The following EPAS1 variants were observed in gnomAD, a reference collection of about 807,000 sequenced individuals.
The protein encoded by EPAS1 is endothelial PAS domain-containing protein 1.
A neutral mutation model predicts 87.9 loss-of-function variants in EPAS1; 23 were observed. That is an observed-to-expected ratio of 0.26 (90% CI 0.19 to 0.37). EPAS1 has a LOEUF of 0.37. Among genes scored for constraint, EPAS1 ranks in the 10% least tolerant of loss-of-function variants. The pLI, the probability that EPAS1 is intolerant of heterozygous loss-of-function variation, is 1.00. For synonymous variants in EPAS1, 508 were observed against 444.3 expected, an observed-to-expected ratio of 1.14 and a Z score of -1.80; for missense variants, 1,138 against 1,120.7, an observed-to-expected ratio of 1.02 and a Z score of -0.22.
At chr2:46,359,418 A>G (rs1199370552) in intron 4 of EPAS1, among the ~76,000 whole-genome samples, 1 of 152,068 alleles carries the variant, frequency 6.6e-6, no homozygotes, top group Non-Finnish European at 1.5e-5. Context: ...GTGGGGCCAG[A>G]TCCCAAGATA....
Position 46,371,567 on chromosome 2 carries a change from G to C in EPAS1, c.886+1634G>C, listed in dbSNP as rs774567685. ...GGAGTGGAGGTACTCTTTTATGCCT[G>C]TGAATGTGACCCCACCTTAGCCTGC... On this transcript the variant is annotated intron_variant, in intron 7 of 15. Coordinates refer to ENST00000263734, the MANE Select transcript of EPAS1 (RefSeq NM_001430.5). The surrounding 1 kb of genome is among the most constrained non-coding windows in gnomAD (Gnocchi z 4.3). 6.6e-6 allele frequency among the ~76,000 whole-genome samples: 1 copy of C among 152,164 alleles called. No individual in the cohort carries two copies. Among genetic ancestry groups the C allele is most frequent in the Non-Finnish European group, 1.5e-5 (1 of 68,040 alleles).
intron 1 of EPAS1, among the ~76,000 whole-genome samples, chr2:46,336,814 A>C (rs1683801904): frequency 6.6e-6 from 1 of 152,194 alleles, no homozygotes; most frequent in African/African-American, 2.4e-5. Context: ...CCCAGATCCT[A>C]CTGAGCCTGC....
At position 46,375,523 on chromosome 2, in the gene EPAS1, G is replaced by A; in HGVS notation, c.887-167G>A. ...TTTAAAATGAAGAGTTGGCTGAGGT[G>A]ATCCCTAAGCTCCCTCCCAGGTCAC... On this transcript the variant is annotated intron_variant, in intron 7 of 15. Coordinates refer to ENST00000263734, the MANE Select transcript of EPAS1 (RefSeq NM_001430.5). This position sits in a 1 kb window ranked among gnomAD's most constrained non-coding sequence, Gnocchi z 4.1. The A allele has an allele frequency of 2.6e-6, 2 of 757,520 alleles. No homozygotes were observed. The highest frequency in any genetic ancestry group is 2.2e-6 in the Non-Finnish European group (1 of 450,716). 46.9% of individuals were successfully genotyped at this position (757,520 alleles called of 1,614,324 possible).
At position 46,382,524 on chromosome 2, in the gene EPAS1, A is replaced by T; in HGVS notation, c.2387A>T (p.Lys796Met). ...GCCATCAGTCCCGGGGAGAACAGCA[A>T]GAGCAGGTTCCCCCCACAGTGCTAC... ...PSAISPGENS[K>M]SRFPPQCYAT... The change falls in exon 15 of 16, where the codon AAG (lysine) becomes ATG (methionine). Residue 796 changes from lysine (K) to methionine (M), a missense_variant. Lys to Met is a moderately conservative substitution (Grantham distance 95). This residue lies in a region of EPAS1 where 502 missense variants were observed against 427.1 expected (regional missense o/e 1.18). Transcript: ENST00000263734. 6.2e-7 allele frequency: 1 copy of T among 1,614,166 alleles called. No individual in the cohort carries two copies. Among genetic ancestry groups the T allele is most frequent in the Non-Finnish European group, 8.5e-7 (1 of 1,180,040 alleles).
At chr2:46,370,587 G>A (rs1684608268) in intron 7 of EPAS1, among the ~76,000 whole-genome samples, 1 of 152,216 alleles carries the variant, frequency 6.6e-6, no homozygotes. Flanking sequence ...AGAAGCCTGA[G>A]TTATGTAAGG....
chr2:46,377,983 A>G lies in EPAS1; in HGVS notation c.1339A>G (p.Thr447Ala). The G allele has an allele frequency of 6.3e-7, 1 of 1,576,708 alleles. No homozygotes were observed. The highest frequency in any genetic ancestry group is 8.6e-7 in the Non-Finnish European group (1 of 1,160,722). ...GGCCACGGAGTTGAGGAGCCACAGC[A>G]CCCAGAGCGAGGCTGGGAGCCTGCC... ...PWATELRSHS[T>A]QSEAGSLPAF... The change falls in exon 10 of 16, where the codon ACC becomes GCC. Residue 447 changes from threonine to alanine, a missense_variant. Thr to Ala is a moderately conservative substitution (Grantham distance 58). Coordinates refer to ENST00000263734, the MANE Select transcript of EPAS1 (RefSeq NM_001430.5).
chr2:46,355,883 C>A (rs1188980954), intron 2 of EPAS1, among the ~76,000 whole-genome samples: 1 of 152,216 alleles, frequency 6.6e-6, no homozygotes, highest in African/African-American at 2.4e-5. Flanking sequence ...GAACCACTCA[C>A]ACAGCAGCTC....
chr2:46,344,099 CTAAACTGTG>C (rs1683967901), intron 1 of EPAS1, among the ~76,000 whole-genome samples: 1 of 152,190 alleles, frequency 6.6e-6, no homozygotes, highest in Non-Finnish European at 1.5e-5. Context: ...TTCCACATCT[CTAAACTGTG>C]TAAACAATAC....
At chr2:46,341,187 G>A (rs1445599153) in intron 1 of EPAS1, among the ~76,000 whole-genome samples, 2 of 152,150 alleles carry the variant, frequency 1.3e-5, no homozygotes, top group Admixed American at 6.5e-5. Context: ...GGCCCTCACA[G>A]CCAAGACCAT....
intron 1 of EPAS1, among the ~76,000 whole-genome samples, chr2:46,341,000 A>G (rs980504311): frequency 1.3e-5 from 2 of 152,202 alleles, no homozygotes; most frequent in African/African-American, 2.4e-5. Flanking sequence ...GATTATAGGC[A>G]TGAGTCACTG....
chr2:46,312,937 C>A (rs1683243490), intron 1 of EPAS1, among the ~76,000 whole-genome samples: 1 of 152,148 alleles, frequency 6.6e-6, no homozygotes, highest in Non-Finnish European at 1.5e-5. Context: ...CAACTCAGCA[C>A]ACCCAAATCT....
In EPAS1 at chr2:46,380,566, G is replaced by C. The variant is rs2103673355; in HGVS notation, c.1894G>C (p.Gly632Arg). The part of the protein sequence containing the change: ...GQASTPLSSM[G>R]GRSNTQWPPD... ...GGCCAGCACCCCTCTCTCTTCCATG[G>C]GGGGCAGATCCAATACCCAGTGGCC... Residue 632 changes from glycine to arginine, a missense_variant, in exon 12 of 16, where the codon GGG (glycine) becomes CGG (arginine). Physicochemically the swap from Gly to Arg is moderately radical, Grantham distance 125. Transcript: ENST00000263734. This position sits in a 1 kb window ranked among gnomAD's most constrained non-coding sequence, Gnocchi z 4.4. 2 of 1,614,066 alleles carry C rather than the reference G, an allele frequency of 1.2e-6. No homozygotes were observed. Among genetic ancestry groups the C allele is most frequent in the East Asian group, 2.2e-5 (1 of 44,876 alleles).
intron 2 of EPAS1, among the ~76,000 whole-genome samples, chr2:46,350,426 G>A (rs1044702080): frequency 4.6e-5 from 7 of 152,320 alleles, no homozygotes; most frequent in Non-Finnish European, 8.8e-5. Context: ...ACAGTAGGCT[G>A]TTCTGTGTGG....
chr2:46,384,913 C>T lies in EPAS1; in HGVS notation c.*253C>T. Reference sequence around the variant, plus strand: ...TAAATTTTGTAGGATTTTTTTCCTCCCCACCTTCAATGACTTCTAATTTAT... The same window carrying T: ...TAAATTTTGTAGGATTTTTTTCCTCTCCACCTTCAATGACTTCTAATTTAT... On this transcript the variant is annotated 3_prime_UTR_variant, in exon 16 of 16. Transcript: ENST00000263734. 1 of 532,406 alleles carries T rather than the reference C, an allele frequency of 1.9e-6. No individual in the cohort carries two copies. Among genetic ancestry groups the T allele is most frequent in the South Asian group, 2.1e-5 (1 of 48,368 alleles). 33.0% of individuals were successfully genotyped at this position (532,406 alleles called of 1,614,324 possible). A position where few individuals can be genotyped will look rare whatever the true frequency, so the allele number is the denominator to read the frequency against.
chr2:46,382,598 G>C lies in EPAS1; in HGVS notation c.2461G>C (p.Gly821Arg). The C allele has an allele frequency of 1.2e-6, 2 of 1,614,072 alleles. No homozygotes were observed. Among genetic ancestry groups the C allele is most frequent in the Non-Finnish European group, 8.5e-7 (1 of 1,180,044 alleles). ...YSLSSAHKVS[G>R]MASRLLGPSF... ...CCTGTCGTCAGCCCACAAGGTGTCA[G>C]GTGGGTGTGCCCAGGATCTGTCACC... Residue 821 changes from glycine to arginine, a missense_variant and splice_region_variant, in exon 15 of 16, where the codon GGC (glycine) becomes CGC (arginine). Physicochemically the swap from Gly to Arg is moderately radical, Grantham distance 125 (BLOSUM62 -2). Transcript: ENST00000263734.
In EPAS1 at chr2:46,378,062, C is replaced by CCAGCAG. The variant is rs747939755; in HGVS notation, c.1429_1434dup (p.Ser477_Ser478dup). On this transcript the variant is annotated inframe_insertion, in exon 10 of 16. Coordinates refer to ENST00000263734, the MANE Select transcript of EPAS1 (RefSeq NM_001430.5). ...CCGGGCAGCACCACCCCCAGTGCCA[C>CCAGCAG]CAGCAGCAGCAGCAGCTGCTCCACG... The CCAGCAG allele has an allele frequency of 6.2e-7, 1 of 1,606,050 alleles. No homozygotes were observed. Among genetic ancestry groups the CCAGCAG allele is most frequent in the South Asian group, 1.1e-5 (1 of 89,712 alleles).
intron 1 of EPAS1, among the ~76,000 whole-genome samples, chr2:46,331,622 C>T (rs555468912): frequency 3.9e-5 from 6 of 152,150 alleles, no homozygotes; most frequent in South Asian, 4.1e-4. Context: ...GCCAAAGCTC[C>T]GAGGTTTAAA....
chr2:46,374,591 G>C (rs1038593791), intron 7 of EPAS1, among the ~76,000 whole-genome samples: 3 of 152,100 alleles, frequency 2.0e-5, no homozygotes, highest in South Asian at 4.1e-4. Flanking sequence ...AAGAAGGATT[G>C]TTCCTTTCCC....
At chr2:46,352,861 A>C (rs1015909384) in intron 2 of EPAS1, among the ~76,000 whole-genome samples, 1 of 152,158 alleles carries the variant, frequency 6.6e-6, no homozygotes, top group Non-Finnish European at 1.5e-5. Flanking sequence ...TCCCTCCCGG[A>C]GGCCAGCTGA....
Sources: gnomAD v4.1 joint callset for allele counts (sites outside exome capture counted in the v4.1 genomes callset) on GRCh38, gnomAD v4.1.1 for gene constraint, gnomAD v4.1.1 regional missense constraint, Gnocchi (gnomAD v3.1) non-coding constraint, MANE v1.5 for transcripts, NCBI Gene and HGNC (gene_info 2026-07-23, HGNC 2026-07-21) for gene names.